Variants in MX2 observed in about 807,000 individuals in gnomAD.
The protein encoded by MX2 is MX dynamin like GTPase 2, also known as interferon-induced GTP-binding protein Mx2.
MX2 carries 51 observed loss-of-function variants against 74.0 expected under a neutral mutation model. The ratio of observed to expected loss-of-function variants is 0.69; its 90% CI spans 0.55 to 0.87. The LOEUF is 0.87. Ranked by LOEUF, MX2 falls within the 40% of genes least tolerant of loss-of-function variation. The probability of loss-of-function intolerance (pLI) is 0.00; values close to 1 mark genes in which losing one functional copy is unlikely to be tolerated. For synonymous variants in MX2, 369 were observed against 339.3 expected (o/e 1.09, Z -0.96); for missense variants, 832 against 908.7 (o/e 0.92, Z 1.09).
At chr21:41,399,493 C>A in intron 10 of MX2, 156 bp downstream of exon 10, 2 of 764,962 alleles carry the variant, frequency 2.6e-6, no homozygotes, top group East Asian at 5.4e-5. Context: ...GAACAAAACC[C>A]AGAAATATGG....
intron 5 of MX2, among the ~76,000 whole-genome samples, chr21:41,387,290 C>T (rs1409307390): frequency 6.6e-6 from 1 of 152,176 alleles, no homozygotes; most frequent in Non-Finnish European, 1.5e-5. Context: ...GCCTCTCCTC[C>T]ATGTGAAAGC....
At chr21:41,371,997 G>C (rs550756270) in intron 1 of MX2, among the ~76,000 whole-genome samples, 3 of 152,222 alleles carry the variant, frequency 2.0e-5, no homozygotes, top group Admixed American at 1.3e-4. Flanking sequence ...TGCGAACACC[G>C]AGGGTGATTC....
chr21:41,399,512 C>A (rs2089782821), intron 10 of MX2, 175 bp downstream of exon 10: 4 of 609,474 alleles, frequency 6.6e-6, no homozygotes, highest in Non-Finnish European at 1.1e-5. Context: ...GGGGCATCGA[C>A]CTCAGCAACT....
At chr21:41,376,757 A>G (rs1336097479) in intron 1 of MX2, 79 bp from the exon 2 acceptor site, 1 of 1,084,120 alleles carries the variant, frequency 9.2e-7, no homozygotes, top group Non-Finnish European at 1.3e-6. Flanking sequence ...GGGTGGGGTG[A>G]GGAGGGGTTG....
At chr21:41,395,473 T>A (rs982785373) in intron 6 of MX2, 114 bp from the exon 7 acceptor site, 1 of 846,290 alleles carries the variant, frequency 1.2e-6, no homozygotes, top group Admixed American at 2.5e-5. Flanking sequence ...CACTGGAGGA[T>A]CAAGACTGCA....
At chr21:41,378,516 G>A (rs1020952128) in intron 3 of MX2, among the ~76,000 whole-genome samples, 1 of 152,208 alleles carries the variant, frequency 6.6e-6, no homozygotes, top group Non-Finnish European at 1.5e-5. Flanking sequence ...TAAGTTTTAG[G>A]TGACAGGCGA....
At chr21:41,379,179 T>TTC (rs1389627702) in intron 3 of MX2, among the ~76,000 whole-genome samples, 1 of 152,196 alleles carries the variant, frequency 6.6e-6, no homozygotes, top group Non-Finnish European at 1.5e-5. Flanking sequence ...TGGCCAGTCC[T>TTC]TCTCCGTGCT....
chr21:41,382,325 A>G, intron 4 of MX2, 85 bp from the exon 5 acceptor site: 6 of 1,478,582 alleles, frequency 4.1e-6, no homozygotes, highest in Non-Finnish European at 5.5e-6. Context: ...TACCCTGGAA[A>G]GGAGCAGTCA....
rs753436399 is a variant in MX2, at chr21:41,378,028, G to A, written c.442+47G>A. 2.5e-6 allele frequency: 4 copies of A among 1,578,752 alleles called. No individual in the cohort carries two copies. In the Admixed American group the frequency reaches 5.3e-5, roughly 21 times the overall value. ...CCCTCCGCAGCAAGCAGCGCCACCTGTAAGCCACAAAGCTTCCCCAGGCAC... is the reference window on the plus strand; with the variant it reads ...CCCTCCGCAGCAAGCAGCGCCACCTATAAGCCACAAAGCTTCCCCAGGCAC... On this transcript the variant is annotated intron_variant, in intron 3 of 13. Transcript: ENST00000330714.
At position 41,403,597 on chromosome 21, in the gene MX2, G is replaced by T. The variant is rs58724505; in HGVS notation, c.1650+254G>T. Reference sequence around the variant, plus strand: ...CCGTGCCCTGCCATCTGTTCTGCACGACCTTACGCAGGATGTGGGGCTCCA... The same window carrying T: ...CCGTGCCCTGCCATCTGTTCTGCACTACCTTACGCAGGATGTGGGGCTCCA... On this transcript the variant is annotated intron_variant, in intron 12 of 13. Coordinates refer to ENST00000330714, the MANE Select transcript of MX2 (RefSeq NM_002463.2). The T allele has an allele frequency of 8.7e-3, 6,133 of 707,376 alleles. 249 individuals are homozygous for T. In the African/African-American group the frequency reaches 0.094, roughly 11 times the overall value. The allele number at this position is 707,376 out of a possible 1,614,324, so 43.8% of individuals were successfully genotyped here.
chr21:41,386,790 G>A (rs183890745), intron 5 of MX2, among the ~76,000 whole-genome samples: 344 of 152,290 alleles, frequency 2.3e-3, no homozygotes, highest in African/African-American at 8.0e-3. Flanking sequence ...CCATGTTCCT[G>A]GAACTTCAGC....
intron 6 of MX2, among the ~76,000 whole-genome samples, chr21:41,395,236 G>C (rs1019957538): frequency 7.6e-6 from 1 of 131,768 alleles, no homozygotes; most frequent in Non-Finnish European, 1.6e-5. Context: ...ACACTAGAGA[G>C]GGACTCCCCT....
At chr21:41,389,279 C>A in intron 5 of MX2, among the ~76,000 whole-genome samples, 1 of 151,856 alleles carries the variant, frequency 6.6e-6, no homozygotes, top group South Asian at 2.1e-4. Flanking sequence ...CTTTGGGAGG[C>A]CGAGGTGAGC....
intron 6 of MX2, among the ~76,000 whole-genome samples, chr21:41,395,204 G>A (rs1296771045): frequency 2.0e-5 from 3 of 152,116 alleles, no homozygotes; most frequent in Admixed American, 2.0e-4. Flanking sequence ...ACAAGAGGGA[G>A]CGGAGTGAGT....
chr21:41,401,837 T>C (rs1179617891), intron 10 of MX2, 133 bp from the exon 11 acceptor site: 7 of 924,526 alleles, frequency 7.6e-6, no homozygotes, highest in Non-Finnish European at 9.6e-6. Flanking sequence ...ATTTTTCTCA[T>C]TGTGAACAAA....
Position 41,388,811 on chromosome 21 carries a change from T to C in MX2, c.733-1754T>C, listed in dbSNP as rs1343125272. 6.6e-6 allele frequency among the ~76,000 whole-genome samples: 1 copy of C among 152,260 alleles called. No individual in the cohort carries two copies. Among genetic ancestry groups the C allele is most frequent in the Non-Finnish European group, 1.5e-5 (1 of 68,044 alleles). On this transcript the variant is annotated intron_variant, in intron 5 of 13. Coordinates refer to ENST00000330714, the MANE Select transcript of MX2 (RefSeq NM_002463.2). The surrounding 1 kb of genome is among the most constrained non-coding windows in gnomAD (Gnocchi z 4.0). ...GGTGATTCCCAGCCCAGAGCTTTTG[T>C]ACCCCCAGGGGACACTGGCAATGTC...
In MX2 at chr21:41,408,069, C is replaced by T; in HGVS notation, c.1984C>T (p.Gln662Ter). 1 of 1,614,158 alleles carries T rather than the reference C, an allele frequency of 6.2e-7. No individual in the cohort carries two copies. The highest frequency in any genetic ancestry group is 8.5e-7 in the Non-Finnish European group (1 of 1,180,038). ...FMLRENGDSL[Q>*]KAMMQILQEK... is the part of the protein sequence containing the mutation. Reference sequence around the variant, plus strand: ...GCTCCGAGAGAATGGTGACTCCTTGCAGAAAGCCATGATGCAGATACTACA... The same window carrying T: ...GCTCCGAGAGAATGGTGACTCCTTGTAGAAAGCCATGATGCAGATACTACA... The change falls in exon 14 of 14, where the codon CAG becomes TAG. Residue 662 changes from glutamine to a stop codon, truncating the protein, a stop_gained. Transcript: ENST00000330714. LOFTEE classifies it low-confidence loss of function (END_TRUNC).
In MX2 at chr21:41,402,002, T is replaced by C; in HGVS notation, c.1447T>C (p.Tyr483His). 5.0e-6 allele frequency: 8 copies of C among 1,613,540 alleles called. No individual in the cohort carries two copies. The highest frequency in any genetic ancestry group is 6.8e-6 in the Non-Finnish European group (8 of 1,179,916). ...TATTATCCACGAAGAAGTTGAAAAA[T>C]ATGAAAAGCAGTATCGAGGCAAGGA... Reference protein sequence around the residue: ...KNIIHEEVEKYEKQYRGKELL... With the variant: ...KNIIHEEVEKHEKQYRGKELL... Residue 483 changes from tyrosine (Y) to histidine (H), a missense_variant, in exon 11 of 14, where the codon TAT becomes CAT. By Grantham distance (83) the Tyr-to-His change is moderately conservative (BLOSUM62 2). Transcript: ENST00000330714. This position sits in a 1 kb window ranked among gnomAD's most constrained non-coding sequence, Gnocchi z 4.5.
chr21:41,399,626 C>T (rs61338373), intron 10 of MX2: 7,366 of 277,994 alleles, frequency 0.026, 356 homozygotes, highest in East Asian at 0.16. Context: ...AGTGTAGTGG[C>T]GCAATCATGA....
Sources: allele counts gnomAD v4.1 joint callset (sites outside exome capture counted in the v4.1 genomes callset), GRCh38; gene constraint gnomAD v4.1.1; non-coding constraint Gnocchi (gnomAD v3.1); transcripts MANE v1.5; gene names NCBI Gene and HGNC (gene_info 2026-07-23, HGNC 2026-07-21).